SVIL: variants seen among roughly 807,000 people sequenced by gnomAD.
The protein encoded by SVIL is archvillin.
In SVIL, 101 loss-of-function variants were observed where a neutral mutation model predicts 240.4. That is an observed-to-expected ratio of 0.42 (90% CI 0.36 to 0.50). The LOEUF is 0.50. Ranked by LOEUF, SVIL falls within the 20% of genes least tolerant of loss-of-function variation. The probability of loss-of-function intolerance (pLI) is 0.01; values close to 1 mark genes in which losing one functional copy is unlikely to be tolerated. For synonymous variants in SVIL, 999 were observed against 1,100.0 expected (o/e 0.91, Z 1.82); for missense variants, 2,512 against 2,818.7 (o/e 0.89, Z 2.46).
chr10:29,534,212 C>G (rs1951582377), intron 7 of SVIL, among the ~76,000 whole-genome samples: 1 of 152,190 alleles, frequency 6.6e-6, no homozygotes, highest in Non-Finnish European at 1.5e-5. Flanking sequence ...AAATGAATCC[C>G]AAAAGAGAGG....
At chr10:29,561,688 G>A (rs1404995243) in intron 3 of SVIL, among the ~76,000 whole-genome samples, 11 of 151,712 alleles carry the variant, frequency 7.3e-5, no homozygotes, top group Admixed American at 2.0e-4. Context: ...AACTGGACAC[G>A]AGGCCACTGG....
At chr10:29,532,379 T>C (rs1333346272) in intron 8 of SVIL, 150 bp downstream of exon 8, 17 of 1,372,552 alleles carry the variant, frequency 1.2e-5, no homozygotes, top group Non-Finnish European at 1.4e-5. Context: ...AGTGGTAGTT[T>C]TTGAGCCATT....
At position 29,488,319 on chromosome 10, in the gene SVIL, G is replaced by A. The variant is rs181775742; in HGVS notation, c.4348+282C>T. Among the ~76,000 whole-genome samples the A allele has an allele frequency of 3.7e-3, 563 of 152,120 alleles. 2 individuals are homozygous for A. Among genetic ancestry groups the A allele is most frequent in the Non-Finnish European group, 5.9e-3 (401 of 67,992 alleles). ...GGAGTAAAAGCTGGGATTCTGGAGT[G>A]GGGGGACCTGGGTTCAAATCCAGCT... On this transcript the variant is annotated intron_variant, in intron 23 of 37. Transcript: ENST00000355867.
chr10:29,630,226 A>G lies in SVIL; in HGVS notation c.-201+4194T>C, dbSNP rs542134823. ...TGCACAGGGAAAGTGCCCCAAAAAT[A>G]TGGACTGAAATGAATGTACCCAGGG... On this transcript the variant is annotated intron_variant, in intron 1 of 37. Coordinates refer to ENST00000355867, the MANE Select transcript of SVIL (RefSeq NM_021738.3). 9.0e-4 allele frequency among the ~76,000 whole-genome samples: 137 copies of G among 152,296 alleles called. 2 individuals carry two copies. The Middle Eastern group carries it at 0.048, about 53-fold the overall frequency.
At chr10:29,694,978 A>G (rs183105029) in intron 1 of SVIL, among the ~76,000 whole-genome samples, 4 of 152,318 alleles carry the variant, frequency 2.6e-5, no homozygotes, top group Non-Finnish European at 5.9e-5. Context: ...GCGCTCCTCC[A>G]TTCTGCATGC....
intron 17 of SVIL, among the ~76,000 whole-genome samples, chr10:29,502,486 T>C (rs369230012): frequency 3.9e-5 from 6 of 152,202 alleles, no homozygotes; most frequent in African/African-American, 1.4e-4. Context: ...TGTGTCATTT[T>C]TCCAGGTTTA....
At chr10:29,502,763 T>C (rs889525665) in intron 17 of SVIL, among the ~76,000 whole-genome samples, 5 of 152,048 alleles carry the variant, frequency 3.3e-5, no homozygotes, top group African/African-American at 1.2e-4. Context: ...TGGTCAGATA[T>C]TGGTAGGTCA....
At chr10:29,463,801 G>T (rs1228537166) in intron 34 of SVIL, among the ~76,000 whole-genome samples, 166 bp from the exon 35 acceptor site, 1 of 152,176 alleles carries the variant, frequency 6.6e-6, no homozygotes, top group Non-Finnish European at 1.5e-5. Context: ...GAGAAACCCA[G>T]GATACCCCAG....
In SVIL at chr10:29,618,955, G is replaced by A. The variant is rs147409485; in HGVS notation, c.-201+15465C>T. 7.2e-4 allele frequency among the ~76,000 whole-genome samples: 110 copies of A among 152,238 alleles called. 2 individuals carry two copies. In the East Asian group the frequency reaches 0.02, roughly 28 times the overall value. ...AAGTGCTCCACTGCCCCTTAAACAG[G>A]TAGGAAGGGGATTTTGGGCTAAAAG... On this transcript the variant is annotated intron_variant, in intron 1 of 37. Coordinates refer to ENST00000355867, the MANE Select transcript of SVIL (RefSeq NM_021738.3).
rs547366786 is a variant in SVIL, at chr10:29,575,461, A to G, written c.-200-6149T>C. ...GGAGACTTTATTTCAGGATTCTGGC[A>G]ATGAAATATTTCTGTGAAACTTGTT... On this transcript the variant is annotated intron_variant, in intron 1 of 37. Transcript: ENST00000355867. 4.7e-4 allele frequency: 90 copies of G among 190,472 alleles called. No individual in the cohort carries two copies. The South Asian group carries it at 0.01, about 22-fold the overall frequency. 11.8% of individuals were successfully genotyped at this position (190,472 alleles called of 1,614,324 possible). A position where few individuals can be genotyped will look rare whatever the true frequency, so the allele number is the denominator to read the frequency against.
intron 1 of SVIL, among the ~76,000 whole-genome samples, chr10:29,620,998 C>G (rs1402177906): frequency 2.8e-5 from 4 of 144,402 alleles, no homozygotes; most frequent in Admixed American, 6.9e-5. Context: ...GATATGGCGT[C>G]TCACTATATT....
chr10:29,658,241 A>G (rs1959061762), intron 2 of SVIL, among the ~76,000 whole-genome samples: 1 of 152,256 alleles, frequency 6.6e-6, no homozygotes, highest in Non-Finnish European at 1.5e-5. Context: ...GATTACAGGC[A>G]GTGGTTAAAG....
intron 1 of SVIL, among the ~76,000 whole-genome samples, chr10:29,693,495 G>A (rs77759298): frequency 0.13 from 19,143 of 152,094 alleles, 1,450 homozygotes; most frequent in Admixed American, 0.21. Flanking sequence ...TAAACTTTGC[G>A]TTGAAAGGGC....
chr10:29,643,004 T>C (rs1958539055), intron 3 of SVIL, among the ~76,000 whole-genome samples: 1 of 152,204 alleles, frequency 6.6e-6, no homozygotes, highest in Admixed American at 6.5e-5. Context: ...CTCATTTTAA[T>C]GCAGCTACAA....
At chr10:29,694,644 G>A (rs547751966) in intron 1 of SVIL, among the ~76,000 whole-genome samples, 38 of 152,220 alleles carry the variant, frequency 2.5e-4, no homozygotes, top group African/African-American at 8.2e-4. Flanking sequence ...ATTTTCAGTA[G>A]AGAAAAGGTT....
chr10:29,477,287 A>G (rs1165069561), intron 29 of SVIL, among the ~76,000 whole-genome samples: 2 of 152,268 alleles, frequency 1.3e-5, no homozygotes, highest in African/African-American at 4.8e-5. Context: ...AAACACAAAT[A>G]TAAAGACTGT....
intron 2 of SVIL, among the ~76,000 whole-genome samples, chr10:29,672,376 G>A (rs1413948154): frequency 1.3e-5 from 2 of 152,064 alleles, no homozygotes. Context: ...AACCAGAAAT[G>A]CCATCCTGGA....
At chr10:29,570,544 G>C (rs1439660818) in intron 1 of SVIL, among the ~76,000 whole-genome samples, 1 of 152,206 alleles carries the variant, frequency 6.6e-6, no homozygotes, top group Non-Finnish European at 1.5e-5. Context: ...CCACTGAAAA[G>C]ACAGTATCTT....
In SVIL at chr10:29,555,125, A is replaced by G. The variant is rs1953785327; in HGVS notation, c.-50-17T>C. On this transcript the variant is annotated splice_polypyrimidine_tract_variant and intron_variant, in intron 3 of 37. Coordinates refer to ENST00000355867, the MANE Select transcript of SVIL (RefSeq NM_021738.3). ...ATTCTGCAACTGGAAGAAAACCAAA[A>G]AAGAACAAAATATAGTATTTAGTAG... 2 of 1,598,478 alleles carry G rather than the reference A, an allele frequency of 1.3e-6. No homozygotes were observed. The highest frequency in any genetic ancestry group is 1.4e-5 in the African/African-American group (1 of 73,858).
Sources: allele counts gnomAD v4.1 joint callset (sites outside exome capture counted in the v4.1 genomes callset), GRCh38; gene constraint gnomAD v4.1.1; transcripts MANE v1.5; gene names NCBI Gene and HGNC (gene_info 2026-07-23, HGNC 2026-07-21).